NTM: variants seen among roughly 807,000 people sequenced by gnomAD.
NTM encodes IgLON family member 2.
In NTM, 13 loss-of-function variants were observed where a neutral mutation model predicts 42.1. That is an observed-to-expected ratio of 0.31 (90% confidence interval 0.20 to 0.49). The LOEUF (loss-of-function observed/expected upper bound fraction) is 0.49, where lower values mean the gene tolerates loss of function less well. NTM is among the 20% of genes least tolerant of loss of function. NTM has a pLI of 0.99. For synonymous variants in NTM, 187 were observed against 179.2 expected (o/e 1.04, Z -0.35); for missense variants, 373 against 452.8 (o/e 0.82, Z 1.60).
chr11:132,226,488 A>G (rs1008833885), intron 4 of NTM, among the ~76,000 whole-genome samples: 3 of 151,888 alleles, frequency 2.0e-5, no homozygotes, highest in Non-Finnish European at 2.9e-5. Context: ...TCATATGTTT[A>G]TTGGCTGTAT....
chr11:131,376,903 T>C (rs924212443), intron 1 of NTM, among the ~76,000 whole-genome samples: 6 of 152,164 alleles, frequency 3.9e-5, no homozygotes, highest in African/African-American at 1.2e-4. Context: ...TCTACTACGT[T>C]CGGTGCACTG....
chr11:131,652,914 C>G (rs1239702107), intron 1 of NTM, among the ~76,000 whole-genome samples: 1 of 152,212 alleles, frequency 6.6e-6, no homozygotes, highest in Admixed American at 6.5e-5. Flanking sequence ...GGAATGCAAC[C>G]TGCACAATTG....
chr11:132,163,566 C>T (rs1245509893), intron 3 of NTM, among the ~76,000 whole-genome samples: 1 of 152,184 alleles, frequency 6.6e-6, no homozygotes, highest in Non-Finnish European at 1.5e-5. Context: ...ACCAACTAAC[C>T]CAAGGAAGGT....
chr11:131,672,474 C>T lies in NTM; in HGVS notation c.83-239090C>T, dbSNP rs1236211510. Among the ~76,000 whole-genome samples the T allele has an allele frequency of 3.5e-4, 54 of 152,304 alleles. 1 individual carries two copies. Among genetic ancestry groups the T allele is most frequent in the Non-Finnish European group, 5.6e-4 (38 of 68,016 alleles). ...TCCGAGGAAACCGCATCAGACACCC[C>T]GACAGCTGGAGTGCCTCACCCTTTC... On this transcript the variant is annotated intron_variant, in intron 1 of 8. Transcript: ENST00000683400.
intron 4 of NTM, 84 bp downstream of exon 4, chr11:132,212,231 C>A (rs2082973522): frequency 1.8e-6 from 2 of 1,124,014 alleles, no homozygotes; most frequent in Non-Finnish European, 2.6e-6. Flanking sequence ...GGTGCTGATA[C>A]CTACTCCAGA....
At chr11:131,867,452 TGTGTGTGTGTCTGTGTGTGTCTGA>T (rs1025940419) in intron 1 of NTM, among the ~76,000 whole-genome samples, 1 of 151,840 alleles carries the variant, frequency 6.6e-6, no homozygotes. Flanking sequence ...TATGTGTATG[TGTGTGTGTGTCTGTGTGTGTCTGA>T]GTGTGTGTCT....
chr11:131,986,669 A>C (rs2066119685), intron 2 of NTM, among the ~76,000 whole-genome samples: 1 of 152,194 alleles, frequency 6.6e-6, no homozygotes, highest in Non-Finnish European at 1.5e-5. Context: ...AGCTGCTGGC[A>C]TGTGACTTAT....
chr11:131,797,341 G>A (rs1032115814), intron 1 of NTM, among the ~76,000 whole-genome samples: 3 of 152,166 alleles, frequency 2.0e-5, no homozygotes, highest in Admixed American at 1.3e-4. Flanking sequence ...TGTAAGGGGG[G>A]GCAGGATGCA....
At chr11:132,218,516 G>A (rs983731205) in intron 4 of NTM, among the ~76,000 whole-genome samples, 1 of 152,180 alleles carries the variant, frequency 6.6e-6, no homozygotes, top group Non-Finnish European at 1.5e-5. Context: ...CGTAAGGCAA[G>A]ACTTGAGATC....
chr11:131,890,279 CAG>C (rs1157754506), intron 1 of NTM, among the ~76,000 whole-genome samples: 1 of 152,150 alleles, frequency 6.6e-6, no homozygotes, highest in Non-Finnish European at 1.5e-5. Flanking sequence ...CCCCTGGAAA[CAG>C]AGCTTTCTAA....
At chr11:131,531,555 CTT>C (rs1277775573) in intron 1 of NTM, among the ~76,000 whole-genome samples, 1 of 152,204 alleles carries the variant, frequency 6.6e-6, no homozygotes, top group East Asian at 1.9e-4. Flanking sequence ...TGATGTTTCT[CTT>C]TCACTATTGC....
intron 1 of NTM, among the ~76,000 whole-genome samples, chr11:131,448,502 T>C (rs1209629125): frequency 6.6e-6 from 1 of 152,220 alleles, no homozygotes; most frequent in Non-Finnish European, 1.5e-5. Context: ...GATGAGATGA[T>C]AGACCTGCGG....
rs566066836 is a variant in NTM at position 132,132,867 on chromosome 11, G to A, written c.168-13415G>A. Among the ~76,000 whole-genome samples the A allele has an allele frequency of 6.8e-4, 103 of 152,264 alleles. 3 individuals are homozygous for A. In the South Asian group the frequency reaches 0.012, roughly 18 times the overall value. ...TATGAACAAGCAAGCTGAGGTGATC[G>A]CAGGTAAAATATATGAATGCATGGC... On this transcript the variant is annotated intron_variant, in intron 2 of 8. Transcript: ENST00000683400.
At chr11:131,985,645 C>T (rs889194403) in intron 2 of NTM, among the ~76,000 whole-genome samples, 2 of 152,066 alleles carry the variant, frequency 1.3e-5, no homozygotes, top group Admixed American at 6.5e-5. Context: ...GAGCACGCGG[C>T]GTCATAGGAA....
At chr11:132,265,465 C>T (rs1452552627) in intron 4 of NTM, among the ~76,000 whole-genome samples, 2 of 152,200 alleles carry the variant, frequency 1.3e-5, no homozygotes, top group Non-Finnish European at 2.9e-5. Flanking sequence ...TCACCAGAAA[C>T]AACCCAAACT....
chr11:132,256,995 C>T (rs1236595982), intron 4 of NTM, among the ~76,000 whole-genome samples: 3 of 152,216 alleles, frequency 2.0e-5, no homozygotes, highest in Non-Finnish European at 2.9e-5. Context: ...TGTCACCGCG[C>T]CCCATCACTG....
intron 2 of NTM, among the ~76,000 whole-genome samples, chr11:132,132,287 A>ATTGTACTTTGAG (rs2066967143): frequency 6.6e-6 from 1 of 152,146 alleles, no homozygotes; most frequent in Non-Finnish European, 1.5e-5. Flanking sequence ...AGACTTGGTC[A>ATTGTACTTTGAG]TTGTACTTTG....
intron 1 of NTM, among the ~76,000 whole-genome samples, chr11:131,745,930 C>G (rs188177261): frequency 6.6e-6 from 1 of 152,268 alleles, no homozygotes; most frequent in East Asian, 1.9e-4. Context: ...AGAAGCATTT[C>G]AAGGAAATAT....
At chr11:132,134,027 ATTAATT>A (rs1334081110) in intron 2 of NTM, among the ~76,000 whole-genome samples, 3 of 152,108 alleles carry the variant, frequency 2.0e-5, no homozygotes. Flanking sequence ...TAATTAATTA[ATTAATT>A]TTAAACAGTC....
Sources: allele counts gnomAD v4.1 joint callset (sites outside exome capture counted in the v4.1 genomes callset), GRCh38; gene constraint gnomAD v4.1.1; transcripts MANE v1.5; gene names NCBI Gene and HGNC (gene_info 2026-07-23, HGNC 2026-07-21).